UGT2A2: variants seen among roughly 807,000 people sequenced by gnomAD.
The protein encoded by UGT2A2 is UDP-glucuronosyltransferase 2A2.
Under a neutral mutation model 50.7 loss-of-function variants are expected in UGT2A2, and 60 were observed. The ratio of observed to expected loss-of-function variants is 1.18; its 90% CI spans 0.96 to 1.47. UGT2A2 has a LOEUF of 1.47. Among genes scored for constraint, UGT2A2 ranks in the 40% most tolerant of loss-of-function variants. The pLI is 0.00. For missense variants in UGT2A2, 762 were observed against 634.0 expected (o/e 1.20, Z -2.17); for synonymous variants, 242 against 214.6 (o/e 1.13, Z -1.11).
At chr4:69,636,840 T>C (rs1449763715) in intron 1 of UGT2A2, among the ~76,000 whole-genome samples, 1 of 152,156 alleles carries the variant, frequency 6.6e-6, no homozygotes, top group Non-Finnish European at 1.5e-5. Context: ...TAGTGAAATT[T>C]TTAACCCTAT....
chr4:69,617,602 T>A (rs929769254), intron 1 of UGT2A2, among the ~76,000 whole-genome samples: 10 of 151,834 alleles, frequency 6.6e-5, no homozygotes, highest in Admixed American at 3.3e-4. Flanking sequence ...GCTAGTGCTA[T>A]CTATAAGTTA....
chr4:69,599,162 TTTG>T, intron 2 of UGT2A2, 81 bp downstream of exon 2: 3 of 1,462,968 alleles, frequency 2.1e-6, no homozygotes, highest in Non-Finnish European at 2.7e-6. Context: ...GCAGCATTTA[TTTG>T]TTATTGAGGC....
chr4:69,629,111 CT>C (rs1487133143), intron 1 of UGT2A2, among the ~76,000 whole-genome samples: 1 of 151,904 alleles, frequency 6.6e-6, no homozygotes. Flanking sequence ...ATTCCCTCTC[CT>C]TTTAACCACC....
intron 1 of UGT2A2, among the ~76,000 whole-genome samples, chr4:69,608,893 T>G (rs1719850332): frequency 6.6e-6 from 1 of 152,070 alleles, no homozygotes; most frequent in South Asian, 2.1e-4. Flanking sequence ...TTTAAACAAA[T>G]TTATATGTTT....
chr4:69,589,352 T>C lies in UGT2A2; in HGVS notation c.*20A>G, dbSNP rs751377081. On this transcript the variant is annotated 3_prime_UTR_variant, in exon 6 of 6. Transcript: ENST00000604629. ...ATTTTGCCAAACTTAAAAATATATA[T>C]ATTTCCTCTTTTTCTTGACCTATTC... 1.3e-6 allele frequency: 2 copies of C among 1,590,424 alleles called. No homozygotes were observed. Among genetic ancestry groups the C allele is most frequent in the Admixed American group, 1.8e-5 (1 of 56,178 alleles).
Position 69,603,003 on chromosome 4 carries a change from G to A in UGT2A2, c.743-3609C>T, listed in dbSNP as rs1407126674. Among the ~76,000 whole-genome samples the A allele has an allele frequency of 1.5e-5, 2 of 134,380 alleles. 1 individual carries two copies. The highest frequency in any genetic ancestry group is 1.5e-4 in the Admixed American group (2 of 13,550). The allele number at this position is 134,380 out of a possible 152,430, so 88.2% of individuals were successfully genotyped here. On this transcript the variant is annotated intron_variant, in intron 1 of 5. Coordinates refer to ENST00000604629, the MANE Select transcript of UGT2A2 (RefSeq NM_001105677.2). The stretch of plus-strand genomic sequence containing the variant: ...AATTGCTTGAACCCGGGAGGAGGAG[G>A]TTGCAGTGAGCCAAGATCACGCCAC...
chr4:69,599,607 G>A, intron 1 of UGT2A2: 7 of 562,596 alleles, frequency 1.2e-5, no homozygotes, highest in South Asian at 5.4e-5. Context: ...AAGGAAGGGA[G>A]GAAGGGAGGA....
At chr4:69,628,536 A>G (rs957742291) in intron 1 of UGT2A2, among the ~76,000 whole-genome samples, 5 of 151,560 alleles carry the variant, frequency 3.3e-5, no homozygotes, top group African/African-American at 1.2e-4. Context: ...CAGAAACACT[A>G]AATATCCACA....
intron 1 of UGT2A2, among the ~76,000 whole-genome samples, chr4:69,603,979 T>C (rs55742558): frequency 0.18 from 24,652 of 135,564 alleles, 5,899 homozygotes; most frequent in Non-Finnish European, 0.22. Context: ...TGGAACCAAG[T>C]TGGAAAACAC....
At chr4:69,637,811 A>G (rs1721797301) in intron 1 of UGT2A2, among the ~76,000 whole-genome samples, 1 of 152,098 alleles carries the variant, frequency 6.6e-6, no homozygotes, top group Non-Finnish European at 1.5e-5. Flanking sequence ...GACAAGTTGT[A>G]GGAACTAGGT....
rs760361931 is a variant in UGT2A2, at chr4:69,639,090, G to A, written c.551C>T (p.Pro184Leu). The change falls in exon 1 of 6, where the codon CCA becomes CTA. Residue 184 changes from proline (P) to leucine (L), a missense_variant. Coordinates refer to ENST00000604629, the MANE Select transcript of UGT2A2 (RefSeq NM_001105677.2). ...ACAGTGTCTCTCCACTGTTGATGCT[G>A]GAGAGAACCTCAATGTGTACATAAA... is the stretch of plus-strand genomic sequence containing the variant. Reference protein sequence around the residue: ...IPFMYTLRFSPASTVERHCGK... With the variant: ...IPFMYTLRFSLASTVERHCGK... 1.9e-6 allele frequency: 3 copies of A among 1,613,390 alleles called. No individual in the cohort carries two copies. Among genetic ancestry groups the A allele is most frequent in the South Asian group, 1.1e-5 (1 of 91,012 alleles).
intron 1 of UGT2A2, chr4:69,635,747 A>G: frequency 4.3e-6 from 1 of 234,604 alleles, no homozygotes; most frequent in South Asian, 3.9e-5. Flanking sequence ...GAATCGCTTG[A>G]ACCCGGGAAG....
chr4:69,621,516 G>A (rs1292989741), intron 1 of UGT2A2, among the ~76,000 whole-genome samples: 1 of 151,934 alleles, frequency 6.6e-6, no homozygotes, highest in Non-Finnish European at 1.5e-5. Context: ...TGCTGGCGAG[G>A]TTGCAGAGAA....
rs1719694572 is a variant in UGT2A2, at chr4:69,607,306, C to G, written c.743-7912G>C. On this transcript the variant is annotated intron_variant, in intron 1 of 5. Transcript: ENST00000604629. ...TGATCTTTGACAAACCTGACAAAAA[C>G]AAGAAATGGGGAAATGATTCCCTAT... 2.6e-5 allele frequency among the ~76,000 whole-genome samples: 4 copies of G among 151,326 alleles called. No individual in the cohort carries two copies. In the South Asian group the frequency reaches 8.4e-4, roughly 32 times the overall value.
intron 1 of UGT2A2, among the ~76,000 whole-genome samples, chr4:69,620,630 C>CTATT (rs1224852349): frequency 6.8e-6 from 1 of 147,412 alleles, no homozygotes; most frequent in African/African-American, 2.5e-5. Flanking sequence ...AAATAAAAAA[C>CTATT]TATTTTAAAA....
intron 1 of UGT2A2, among the ~76,000 whole-genome samples, chr4:69,625,923 A>T (rs1721029052): frequency 6.6e-6 from 1 of 151,654 alleles, no homozygotes; most frequent in East Asian, 1.9e-4. Flanking sequence ...AGATGTTTAG[A>T]ATTGCAACAC....
rs958928925 is a variant in UGT2A2 at position 69,588,770 on chromosome 4, T to C, written c.*602A>G. ...GCAGGCAAGTTATGCCGTGATTTTCTAGATATGCTTAATGAAAATTTTGTA... is the reference window on the plus strand; with the variant it reads ...GCAGGCAAGTTATGCCGTGATTTTCCAGATATGCTTAATGAAAATTTTGTA... On this transcript the variant is annotated 3_prime_UTR_variant, in exon 6 of 6. Transcript: ENST00000604629. 4 of 152,120 alleles carry C rather than the reference T, an allele frequency of 2.6e-5. No individual in the cohort carries two copies. Among genetic ancestry groups the C allele is most frequent in the African/African-American group, 9.7e-5 (4 of 41,434 alleles). 9.4% of individuals were successfully genotyped at this position (152,120 alleles called of 1,614,324 possible).
In UGT2A2 at chr4:69,589,240, G is replaced by T; in HGVS notation, c.*132C>A. 2 of 1,195,556 alleles carry T rather than the reference G, an allele frequency of 1.7e-6. No homozygotes were observed. The highest frequency in any genetic ancestry group is 3.0e-4 in the Middle Eastern group (1 of 3,314). 74.1% of individuals were successfully genotyped at this position (1,195,556 alleles called of 1,614,324 possible). On this transcript the variant is annotated 3_prime_UTR_variant, in exon 6 of 6. Transcript: ENST00000604629. ...TTTATCAGTAGGCTTATCGCAGGTA[G>T]AGAAATAGAAAATTTGGAAACAGGA...
intron 1 of UGT2A2, among the ~76,000 whole-genome samples, chr4:69,604,332 A>G (rs1719472994): frequency 7.4e-6 from 1 of 135,682 alleles, no homozygotes; most frequent in Non-Finnish European, 1.6e-5. Context: ...TCATAAGAGG[A>G]GAAGGAGAAA....
Sources: gnomAD v4.1 joint callset for allele counts (sites outside exome capture counted in the v4.1 genomes callset) on GRCh38, gnomAD v4.1.1 for gene constraint, MANE v1.5 for transcripts, NCBI Gene and HGNC (gene_info 2026-07-23, HGNC 2026-07-21) for gene names.